The following ACSM3 variants were observed in gnomAD, a reference collection of about 807,000 sequenced individuals.
ACSM3 encodes acyl-CoA synthetase medium chain family member 3.
Under a neutral mutation model 74.1 loss-of-function variants are expected in ACSM3, and 61 were observed. The ratio of observed to expected loss-of-function variants is 0.82; its 90% CI spans 0.67 to 1.02. The LOEUF (loss-of-function observed/expected upper bound fraction) is 1.02. ACSM3 is among the 50% of genes least tolerant of loss of function. The probability of loss-of-function intolerance (pLI) is 0.00; values close to 1 mark genes in which losing one functional copy is unlikely to be tolerated. For synonymous variants in ACSM3, 213 were observed against 241.5 expected (o/e 0.88, Z 1.09); for missense variants, 660 against 697.0 (o/e 0.95, Z 0.60).
At chr16:20,741,535 CG>C in intron 1 of ACSM3, 1 of 1,463,122 alleles carries the variant, frequency 6.8e-7, no homozygotes, top group Admixed American at 2.0e-5. Flanking sequence ...ATGTCGTCGC[CG>C]TATTCGTTGA....
intron 9 of ACSM3, among the ~76,000 whole-genome samples, chr16:20,787,322 T>C (rs1263610670): frequency 6.6e-6 from 1 of 152,180 alleles, no homozygotes; most frequent in African/African-American, 2.4e-5. Context: ...TTTTCACCCA[T>C]TGTAAAGTTG....
At chr16:20,690,994 T>G (rs1317100961) in intron 1 of ACSM3, 1 of 1,608,090 alleles carries the variant, frequency 6.2e-7, no homozygotes, top group African/African-American at 1.3e-5. Context: ...GCAGATCTCT[T>G]ACCTTCTCCT....
chr16:20,789,288 G>A (rs2080541397), intron 9 of ACSM3, among the ~76,000 whole-genome samples: 1 of 152,170 alleles, frequency 6.6e-6, no homozygotes, highest in Non-Finnish European at 1.5e-5. Flanking sequence ...TTCCTCATGT[G>A]TCAAATGGGC....
In ACSM3 at chr16:20,777,313, A is replaced by G; in HGVS notation, c.431-60A>G. On this transcript the variant is annotated intron_variant, in intron 3 of 13. Coordinates refer to ENST00000289416, the MANE Select transcript of ACSM3 (RefSeq NM_005622.4). ...AGAATGTATAGATGGTATCTACACT[A>G]CTCTAACATAATGAAGAATAACATT... is the stretch of plus-strand genomic sequence containing the variant. 2.1e-6 allele frequency: 3 copies of G among 1,449,990 alleles called. No homozygotes were observed. The East Asian group carries it at 6.8e-5, about 33-fold the overall frequency. 89.8% of individuals were successfully genotyped at this position (1,449,990 alleles called of 1,614,324 possible). A position where few individuals can be genotyped will look rare whatever the true frequency, so the allele number is the denominator to read the frequency against.
rs74981296 is a variant in ACSM3 at position 20,769,526 on chromosome 16, C to A, written c.-51-458C>A. Among the ~76,000 whole-genome samples the A allele has an allele frequency of 6.6e-3, 1,012 of 152,328 alleles. 18 individuals carry two copies. Among genetic ancestry groups the A allele is most frequent in the African/African-American group, 0.023 (952 of 41,578 alleles). On this transcript the variant is annotated intron_variant, in intron 1 of 13. Coordinates refer to ENST00000289416, the MANE Select transcript of ACSM3 (RefSeq NM_005622.4). ...GATTTCTTCATCTACAGATTATCCACTGTGAAAAATGCTCCTTAACATTTC... is the reference window on the plus strand; with the variant it reads ...GATTTCTTCATCTACAGATTATCCAATGTGAAAAATGCTCCTTAACATTTC...
At chr16:20,777,601 TA>T (rs758393144) in intron 4 of ACSM3, 21 bp downstream of exon 4, 4 of 1,589,768 alleles carry the variant, frequency 2.5e-6, no homozygotes, top group Non-Finnish European at 8.6e-7. Context: ...ACACTTGTTG[TA>T]AAACAGCTTC....
intron 3 of ACSM3, 144 bp from the exon 4 acceptor site, chr16:20,777,229 T>G (rs2080266174): frequency 1.3e-6 from 1 of 780,896 alleles, no homozygotes; most frequent in Non-Finnish European, 2.0e-6. Flanking sequence ...AGCAGATAAG[T>G]GAAAGCAAGA....
chr16:20,739,089 A>G (rs2079895642), intron 1 of ACSM3: 2 of 1,613,288 alleles, frequency 1.2e-6, no homozygotes, highest in Non-Finnish European at 1.7e-6. Flanking sequence ...CATAAAACTA[A>G]TGAGCAGAAA....
At chr16:20,691,151 A>C (rs759656150) in intron 1 of ACSM3, 1 of 1,611,984 alleles carries the variant, frequency 6.2e-7, no homozygotes, top group South Asian at 1.1e-5. Flanking sequence ...GGATTTGTGG[A>C]TGCCCCAGAG....
At chr16:20,759,435 C>G (rs893514500), upstream of ACSM3, among the ~76,000 whole-genome samples, 1 of 151,832 alleles carries the variant, frequency 6.6e-6, no homozygotes, top group African/African-American at 2.4e-5. Context: ...TGGTGGGCAC[C>G]TGTAGTCCCA....
intron 1 of ACSM3, among the ~76,000 whole-genome samples, chr16:20,744,745 C>A (rs2152427403): frequency 6.6e-6 from 1 of 152,312 alleles, no homozygotes; most frequent in East Asian, 1.9e-4. Context: ...CTGTACCTTA[C>A]TTCCATTTCC....
rs1167685979 is a variant in ACSM3, at chr16:20,703,602, AC to A, written c.-190+28784del. The A allele has an allele frequency of 2.6e-5, 4 of 151,830 alleles. No individual in the cohort carries two copies. In the East Asian group the frequency reaches 7.8e-4, roughly 29 times the overall value. The allele number at this position is 151,830 out of a possible 1,614,324, so 9.4% of individuals were successfully genotyped here. ...AGTGGCATGATCTCAGCTCACTGTC[AC>A]CCCTGCCTCCTGGGTCTGAAAAATT... On this transcript the variant is annotated intron_variant, in intron 1 of 3. Transcript: ENST00000561584.
At chr16:20,727,979 G>A (rs1207588879) in intron 1 of ACSM3, among the ~76,000 whole-genome samples, 1 of 152,324 alleles carries the variant, frequency 6.6e-6, no homozygotes, top group South Asian at 2.1e-4. Flanking sequence ...CAATGCTCCA[G>A]AATCTCCAAT....
intron 1 of ACSM3, among the ~76,000 whole-genome samples, chr16:20,700,394 G>C (rs1450869949): frequency 6.6e-6 from 1 of 152,024 alleles, no homozygotes; most frequent in African/African-American, 2.4e-5. Flanking sequence ...AAACAGAACA[G>C]GGCAATATGA....
chr16:20,689,802 T>G (rs1481779090), intron 1 of ACSM3, among the ~76,000 whole-genome samples: 1 of 152,178 alleles, frequency 6.6e-6, no homozygotes, highest in East Asian at 1.9e-4. Context: ...AAAAATGAAT[T>G]TATACTCTTA....
chr16:20,754,857 C>A (rs1596500727), intron 2 of ACSM3, among the ~76,000 whole-genome samples: 1 of 152,152 alleles, frequency 6.6e-6, no homozygotes, highest in East Asian at 1.9e-4. Context: ...GAGAGCAGTA[C>A]AAAGAATCTG....
chr16:20,685,847 C>CAAAAAAAAAA (rs1491230287), intron 1 of ACSM3, among the ~76,000 whole-genome samples: 1 of 91,032 alleles, frequency 1.1e-5, no homozygotes, highest in Non-Finnish European at 2.2e-5. Flanking sequence ...AAAAAAAAAA[C>CAAAAAAAAAA]AAAAAACTTA....
At chr16:20,678,848 C>G (rs1396290325) in intron 1 of ACSM3, among the ~76,000 whole-genome samples, 1 of 152,160 alleles carries the variant, frequency 6.6e-6, no homozygotes, top group Non-Finnish European at 1.5e-5. Flanking sequence ...GCCCATGGTC[C>G]TCCTCCAAGT....
intron 9 of ACSM3, among the ~76,000 whole-genome samples, chr16:20,788,581 C>A (rs1389331683): frequency 6.6e-6 from 1 of 152,206 alleles, no homozygotes; most frequent in Non-Finnish European, 1.5e-5. Flanking sequence ...ATTCTGGCAT[C>A]TGGGGATGTG....
Sources: gnomAD v4.1 joint callset for allele counts (sites outside exome capture counted in the v4.1 genomes callset) on GRCh38, gnomAD v4.1.1 for gene constraint, MANE v1.5 for transcripts, NCBI Gene and HGNC (gene_info 2026-07-23, HGNC 2026-07-21) for gene names.